KCNIP1: variants seen among roughly 807,000 people sequenced by gnomAD.
KCNIP1 encodes the protein A-type potassium channel modulatory protein KCNIP1.
KCNIP1 carries 18 observed loss-of-function variants against 33.0 expected under a neutral mutation model. The ratio of observed to expected loss-of-function variants is 0.55; its 90% CI spans 0.38 to 0.81. The LOEUF is 0.81. Among genes scored for constraint, KCNIP1 ranks in the 30% least tolerant of loss-of-function variants. The probability of loss-of-function intolerance (pLI) is 0.00; values close to 1 mark genes in which losing one functional copy is unlikely to be tolerated. For synonymous variants in KCNIP1, 93 were observed against 98.3 expected, an observed-to-expected ratio of 0.95 and a Z score of 0.32; for missense variants, 238 against 271.6, an observed-to-expected ratio of 0.88 and a Z score of 0.87.
intron 1 of KCNIP1, among the ~76,000 whole-genome samples, chr5:170,561,972 T>A (rs1178129455): frequency 6.6e-6 from 1 of 152,226 alleles, no homozygotes; most frequent in Non-Finnish European, 1.5e-5. Context: ...TGAACCATTC[T>A]AAGTCCAGAT....
chr5:170,437,704 G>A (rs1039202601), intron 1 of KCNIP1, among the ~76,000 whole-genome samples: 2 of 152,174 alleles, frequency 1.3e-5, no homozygotes, highest in Admixed American at 1.3e-4. Flanking sequence ...GCCCTGAGCA[G>A]CCACTCTGGA....
At chr5:170,454,708 G>A (rs1272459406) in intron 1 of KCNIP1, among the ~76,000 whole-genome samples, 1 of 152,174 alleles carries the variant, frequency 6.6e-6, no homozygotes, top group African/African-American at 2.4e-5. Context: ...AATTAAGAAT[G>A]TTTTTATATA....
chr5:170,719,556 G>A (rs558178367), intron 2 of KCNIP1, among the ~76,000 whole-genome samples: 1 of 152,296 alleles, frequency 6.6e-6, no homozygotes, highest in East Asian at 1.9e-4. Flanking sequence ...CTGGAGTGGT[G>A]TGGAGTGGGG....
intron 1 of KCNIP1, among the ~76,000 whole-genome samples, chr5:170,445,998 C>T (rs970102997): frequency 1.3e-5 from 2 of 152,196 alleles, no homozygotes; most frequent in Non-Finnish European, 2.9e-5. Flanking sequence ...TTCATTCAGT[C>T]CTTCATAAGC....
At position 170,512,438 on chromosome 5, in the gene KCNIP1, A is replaced by T. The variant is rs558150411; in HGVS notation, c.61+7805A>T. On this transcript the variant is annotated intron_variant, in intron 1 of 7. Transcript: ENST00000328939. ...TTGGCCCAAATCACCTGCGTATGTTATACGGTTGTTATGAGCATACACTCC... is the reference window on the plus strand; with the variant it reads ...TTGGCCCAAATCACCTGCGTATGTTTTACGGTTGTTATGAGCATACACTCC... Among the ~76,000 whole-genome samples the T allele has an allele frequency of 3.0e-4, 46 of 152,356 alleles. No individual in the cohort carries two copies. In the South Asian group the frequency reaches 9.3e-3, roughly 31 times the overall value.
intron 1 of KCNIP1, among the ~76,000 whole-genome samples, chr5:170,630,219 A>T (rs1760003882): frequency 6.6e-6 from 1 of 152,262 alleles, no homozygotes. Flanking sequence ...ACAGGACCTG[A>T]TATGTTATAA....
chr5:170,589,794 T>TGCGATGCAGTGCG (rs1554103000), intron 1 of KCNIP1, among the ~76,000 whole-genome samples: 2 of 113,164 alleles, frequency 1.8e-5, no homozygotes, highest in African/African-American at 6.0e-5. Context: ...TGTGATGTGG[T>TGCGATGCAGTGCG]GTGCGGTGCG....
At chr5:170,394,153 C>T (rs1754690733) in intron 1 of KCNIP1, among the ~76,000 whole-genome samples, 2 of 152,152 alleles carry the variant, frequency 1.3e-5, no homozygotes, top group Non-Finnish European at 2.9e-5. Context: ...TGCCTCCTGG[C>T]CAGCTCTTCC....
intron 1 of KCNIP1, among the ~76,000 whole-genome samples, chr5:170,647,910 A>C (rs561102806): frequency 4.1e-4 from 63 of 152,344 alleles, no homozygotes; most frequent in Non-Finnish European, 7.9e-4. Context: ...AAGCATACAA[A>C]GAACTCTTAA....
At chr5:170,558,406 T>TG (rs1320749535) in intron 1 of KCNIP1, among the ~76,000 whole-genome samples, 2 of 152,182 alleles carry the variant, frequency 1.3e-5, no homozygotes, top group Non-Finnish European at 2.9e-5. Context: ...AAAAAATTAA[T>TG]TTTTTAAAGA....
chr5:170,526,417 C>G (rs1188123371), intron 1 of KCNIP1, among the ~76,000 whole-genome samples: 1 of 152,194 alleles, frequency 6.6e-6, no homozygotes, highest in Non-Finnish European at 1.5e-5. Flanking sequence ...GGGTTCCAGT[C>G]TGGGCTTTTC....
chr5:170,700,150 G>A (rs538455141), intron 1 of KCNIP1, among the ~76,000 whole-genome samples: 4 of 151,728 alleles, frequency 2.6e-5, no homozygotes, highest in South Asian at 2.1e-4. Flanking sequence ...GTTCTCCTGT[G>A]GGCTCCTTGT....
At chr5:170,436,827 TCCAGGCC>T (rs950019637) in intron 1 of KCNIP1, among the ~76,000 whole-genome samples, 1 of 152,200 alleles carries the variant, frequency 6.6e-6, no homozygotes, top group Non-Finnish European at 1.5e-5. Context: ...GGCCCTTGTT[TCCAGGCC>T]CCATAACAGC....
intron 1 of KCNIP1, among the ~76,000 whole-genome samples, chr5:170,509,258 C>T (rs1005573867): frequency 1.3e-5 from 2 of 152,202 alleles, no homozygotes; most frequent in African/African-American, 4.8e-5. Flanking sequence ...CTCCCACTCC[C>T]TCATAATCAC....
intron 1 of KCNIP1, among the ~76,000 whole-genome samples, chr5:170,484,928 G>GT (rs1490198143): frequency 7.4e-6 from 1 of 135,832 alleles, no homozygotes; most frequent in Non-Finnish European, 1.6e-5. Context: ...TCTTTTTTTT[G>GT]TTTTTTCTTT....
intron 1 of KCNIP1, among the ~76,000 whole-genome samples, chr5:170,448,202 G>A (rs1157274510): frequency 6.6e-6 from 1 of 152,204 alleles, no homozygotes; most frequent in Admixed American, 6.5e-5. Flanking sequence ...TGGATGGATT[G>A]AACTCTCTTA....
chr5:170,409,884 A>C (rs1372069417), intron 1 of KCNIP1, among the ~76,000 whole-genome samples: 1 of 152,252 alleles, frequency 6.6e-6, no homozygotes, highest in African/African-American at 2.4e-5. Context: ...TCAAGGGGTT[A>C]ATACCCAGAA....
intron 1 of KCNIP1, among the ~76,000 whole-genome samples, chr5:170,435,728 G>C (rs1246092301): frequency 6.6e-6 from 1 of 152,186 alleles, no homozygotes; most frequent in African/African-American, 2.4e-5. Flanking sequence ...AAGTAAGTGA[G>C]GGACCACGTG....
At chr5:170,564,026 C>G (rs938091337) in intron 1 of KCNIP1, among the ~76,000 whole-genome samples, 1 of 152,162 alleles carries the variant, frequency 6.6e-6, no homozygotes, top group African/African-American at 2.4e-5. Context: ...CACAGAGTCC[C>G]CAACCACCCT....
Sources: gnomAD v4.1 joint callset for allele counts (sites outside exome capture counted in the v4.1 genomes callset) on GRCh38, gnomAD v4.1.1 for gene constraint, MANE v1.5 for transcripts, NCBI Gene and HGNC (gene_info 2026-07-23, HGNC 2026-07-21) for gene names.